FHAD1: variants seen among roughly 807,000 people sequenced by gnomAD.
FHAD1 encodes forkhead associated phosphopeptide binding domain 1, also known as forkhead-associated domain-containing protein 1.
A neutral mutation model predicts 191.3 loss-of-function variants in FHAD1; 146 were observed. The observed-to-expected ratio is 0.76, with a 90% confidence interval of 0.67 to 0.88. The LOEUF is 0.88. FHAD1 is among the 40% of genes least tolerant of loss of function. The pLI, the probability that FHAD1 is intolerant of heterozygous loss-of-function variation, is 0.00. For synonymous variants in FHAD1, 616 were observed against 672.3 expected (o/e 0.92, Z 1.29); for missense variants, 1,635 against 1,785.8 (o/e 0.92, Z 1.52).
At chr1:15,387,837 G>A (rs1239302430) in intron 31 of FHAD1, among the ~76,000 whole-genome samples, 1 of 152,152 alleles carries the variant, frequency 6.6e-6, no homozygotes, top group Admixed American at 6.5e-5. Context: ...GTGAGCCATC[G>A]TCGTGCCACT....
At chr1:15,386,213 C>T (rs1401192202) in intron 31 of FHAD1, among the ~76,000 whole-genome samples, 1 of 152,234 alleles carries the variant, frequency 6.6e-6, no homozygotes, top group Non-Finnish European at 1.5e-5. Flanking sequence ...GAGCCTGTCA[C>T]AGAGCAAGCT....
intron 3 of FHAD1, among the ~76,000 whole-genome samples, chr1:15,279,255 G>A (rs1364739987): frequency 6.6e-6 from 1 of 152,140 alleles, no homozygotes; most frequent in Non-Finnish European, 1.5e-5. Flanking sequence ...GTGTCAATAA[G>A]CATATTTTCC....
intron 5 of FHAD1, among the ~76,000 whole-genome samples, chr1:15,298,379 G>A (rs1667604452): frequency 6.6e-6 from 1 of 152,236 alleles, no homozygotes; most frequent in African/African-American, 2.4e-5. Context: ...GATTTAGGGA[G>A]AAGAGTGGGA....
intron 14 of FHAD1, among the ~76,000 whole-genome samples, chr1:15,336,831 T>C (rs1684334061): frequency 6.6e-6 from 1 of 152,026 alleles, no homozygotes; most frequent in African/African-American, 2.4e-5. Context: ...TGCCCAACGC[T>C]CTTCATTCTC....
intron 3 of FHAD1, among the ~76,000 whole-genome samples, chr1:15,282,523 T>A (rs77826917): frequency 6.6e-6 from 1 of 152,200 alleles, no homozygotes; most frequent in Non-Finnish European, 1.5e-5. Context: ...ATATATTTGT[T>A]TACCTTTGTG....
At chr1:15,337,200 G>A (rs148221595) in intron 14 of FHAD1, among the ~76,000 whole-genome samples, 17 of 152,254 alleles carry the variant, frequency 1.1e-4, no homozygotes, top group South Asian at 6.2e-4. Context: ...CGGCATTACC[G>A]ATTGGCATGT....
chr1:15,370,639 G>A (rs1374333907), intron 26 of FHAD1, among the ~76,000 whole-genome samples: 1 of 152,192 alleles, frequency 6.6e-6, no homozygotes, highest in Non-Finnish European at 1.5e-5. Context: ...CATCTGATGG[G>A]AGTGTGTCTT....
chr1:15,391,610 A>G (rs1704067955), intron 33 of FHAD1, among the ~76,000 whole-genome samples: 1 of 152,260 alleles, frequency 6.6e-6, no homozygotes, highest in African/African-American at 2.4e-5. Context: ...CAGAAAGTAG[A>G]GGCAAGCTAT....
chr1:15,375,447 A>AT (rs918804570), intron 27 of FHAD1, among the ~76,000 whole-genome samples, 156 bp from the exon 28 acceptor site: 1 of 152,188 alleles, frequency 6.6e-6, no homozygotes, highest in Non-Finnish European at 1.5e-5. Flanking sequence ...TGGCCAGGTC[A>AT]TTTAATCTCT....
Position 15,369,453 on chromosome 1 carries a change from C to T in FHAD1, c.3398C>T (p.Ser1133Phe). The change falls in exon 26 of 34, where the codon TCT becomes TTT. Residue 1133 changes from serine (S) to phenylalanine (F), a missense_variant. Physicochemically the swap from Ser to Phe is radical, Grantham distance 155. Coordinates refer to ENST00000688493, the MANE Select transcript of FHAD1 (RefSeq NM_001391957.1). The part of the protein sequence containing the change: ...PRKKTQTCDT[S>F]VQIEPVHTEA... Reference sequence around the variant, plus strand: ...AAGAAGACCCAGACGTGTGACACCTCTGTGCAGATAGAACCCGTCCACACT... The same window carrying T: ...AAGAAGACCCAGACGTGTGACACCTTTGTGCAGATAGAACCCGTCCACACT... The T allele has an allele frequency of 6.4e-7, 1 of 1,551,802 alleles. No homozygotes were observed. The highest frequency in any genetic ancestry group is 8.7e-7 in the Non-Finnish European group (1 of 1,147,032).
intron 31 of FHAD1, among the ~76,000 whole-genome samples, chr1:15,382,598 TGATGGACAGATGGAAGAATA>T (rs1701169841): frequency 6.6e-6 from 1 of 152,096 alleles, no homozygotes; most frequent in Non-Finnish European, 1.5e-5. Flanking sequence ...ACAGACAGGT[TGATGGACAGATGGAAGAATA>T]GATGGACTGA....
chr1:15,244,992 C>T (rs1444747763), upstream of FHAD1, among the ~76,000 whole-genome samples: 5 of 152,174 alleles, frequency 3.3e-5, no homozygotes, highest in South Asian at 2.1e-4. This position sits in a 1 kb window ranked among gnomAD's most constrained non-coding sequence, Gnocchi z 5.1. Flanking sequence ...CAGAAAGTAG[C>T]GCCTGCATGT....
intron 14 of FHAD1, among the ~76,000 whole-genome samples, chr1:15,335,984 C>T (rs1683888773): frequency 6.6e-6 from 1 of 152,170 alleles, no homozygotes; most frequent in African/African-American, 2.4e-5. Context: ...CTCCACAAAT[C>T]CCTGTATTCA....
At chr1:15,330,835 T>A (rs1375424338) in intron 14 of FHAD1, among the ~76,000 whole-genome samples, 2 of 152,020 alleles carry the variant, frequency 1.3e-5, no homozygotes, top group Admixed American at 1.3e-4. Flanking sequence ...GTGAAAGGCC[T>A]TAAGTAAGGA....
intron 22 of FHAD1, among the ~76,000 whole-genome samples, chr1:15,361,351 A>G (rs1222465335): frequency 2.6e-5 from 4 of 152,150 alleles, no homozygotes; most frequent in Non-Finnish European, 5.9e-5. Flanking sequence ...TCCATCCATC[A>G]GTTGCCAGTG....
intron 1 of FHAD1, among the ~76,000 whole-genome samples, chr1:15,241,613 C>G (rs776089018): frequency 3.3e-5 from 5 of 152,022 alleles, no homozygotes; most frequent in Non-Finnish European, 7.4e-5. Context: ...TCATGGCACT[C>G]TACCCTGGGT....
intron 4 of FHAD1, among the ~76,000 whole-genome samples, chr1:15,291,274 G>A (rs1170522992): frequency 1.3e-5 from 2 of 151,912 alleles, no homozygotes; most frequent in Non-Finnish European, 2.9e-5. Context: ...TAGAGACGAG[G>A]TTTTGCCATG....
chr1:15,307,100 T>C (rs752185544), intron 6 of FHAD1, among the ~76,000 whole-genome samples: 2 of 152,186 alleles, frequency 1.3e-5, no homozygotes, highest in Non-Finnish European at 2.9e-5. Flanking sequence ...GGAACCTACC[T>C]CTTGCATCAG....
chr1:15,244,930 ATGG>A (rs1645822468), upstream of FHAD1, among the ~76,000 whole-genome samples: 13 of 152,344 alleles, frequency 8.5e-5, no homozygotes, highest in South Asian at 2.5e-3. The surrounding 1 kb of genome is among the most constrained non-coding windows in gnomAD (Gnocchi z 5.1). Flanking sequence ...TACAAGAAGC[ATGG>A]TGCCAGCATC....
Sources: allele counts gnomAD v4.1 joint callset (sites outside exome capture counted in the v4.1 genomes callset), GRCh38; gene constraint gnomAD v4.1.1; non-coding constraint Gnocchi (gnomAD v3.1); transcripts MANE v1.5; gene names NCBI Gene and HGNC (gene_info 2026-07-23, HGNC 2026-07-21).